Variants in UFD1 observed in about 807,000 individuals in gnomAD.
UFD1 encodes ubiquitin recognition factor in ER-associated degradation protein 1.
In UFD1, 13 loss-of-function variants were observed where a neutral mutation model predicts 45.9. The observed-to-expected ratio is 0.28, with a 90% confidence interval of 0.18 to 0.45. UFD1 has a LOEUF of 0.45. Among genes scored for constraint, UFD1 ranks in the 20% least tolerant of loss-of-function variants. The pLI, the probability that UFD1 is intolerant of heterozygous loss-of-function variation, is 1.00. For synonymous variants in UFD1, 128 were observed against 139.2 expected, an observed-to-expected ratio of 0.92 and a Z score of 0.56; for missense variants, 218 against 389.2, an observed-to-expected ratio of 0.56 and a Z score of 3.70.
rs1343094485 is a variant in UFD1 at position 19,465,285 on chromosome 22, A to G, written c.423-11T>C. The stretch of plus-strand genomic sequence containing the variant: ...AGTGCGTTTTCTAATCTGCAGACAC[A>G]TTCTGTCAAGGCAACATGGCAAGAT... On this transcript the variant is annotated splice_polypyrimidine_tract_variant and intron_variant, in intron 5 of 11. Coordinates refer to ENST00000263202, the MANE Select transcript of UFD1 (RefSeq NM_005659.7). 1.2e-6 allele frequency: 2 copies of G among 1,613,760 alleles called. No homozygotes were observed. Among genetic ancestry groups the G allele is most frequent in the East Asian group, 2.2e-5 (1 of 44,894 alleles).
chr22:19,473,028 TGA>T (rs1305400464), intron 3 of UFD1, among the ~76,000 whole-genome samples: 1 of 152,224 alleles, frequency 6.6e-6, no homozygotes, highest in Non-Finnish European at 1.5e-5. Context: ...AGAGAACCTC[TGA>T]GAGTAGCATG....
chr22:19,470,094 G>T, intron 4 of UFD1: 1 of 494,638 alleles, frequency 2.0e-6, no homozygotes, highest in East Asian at 5.7e-5. Context: ...AGCACAATGT[G>T]GCCTCAGGCC....
intron 4 of UFD1, 30 bp downstream of exon 4, chr22:19,471,657 C>T: frequency 6.2e-7 from 1 of 1,608,160 alleles, no homozygotes; most frequent in Non-Finnish European, 8.5e-7. Context: ...TAAGTGGCTG[C>T]TCTCTAGAGA....
At chr22:19,473,167 G>A (rs571967037) in intron 3 of UFD1, among the ~76,000 whole-genome samples, 1 of 152,318 alleles carries the variant, frequency 6.6e-6, no homozygotes, top group South Asian at 2.1e-4. Context: ...ACATACAGCT[G>A]GTCCACAGTA....
chr22:19,474,320 A>ATT (rs2089866059), intron 3 of UFD1, among the ~76,000 whole-genome samples: 1 of 152,126 alleles, frequency 6.6e-6, no homozygotes, highest in Admixed American at 6.5e-5. Flanking sequence ...CGAGGCAGGC[A>ATT]GGTCACCTGA....
intron 11 of UFD1, 42 bp downstream of exon 11, chr22:19,454,707 C>T: frequency 6.2e-7 from 1 of 1,613,254 alleles, no homozygotes; most frequent in Non-Finnish European, 8.5e-7. Flanking sequence ...GCAAATAAAT[C>T]TCCTCATTAC....
At chr22:19,454,943 C>CCT (rs1436353097) in intron 10 of UFD1, 113 bp from the exon 11 acceptor site, 2 of 1,232,006 alleles carry the variant, frequency 1.6e-6, no homozygotes, top group African/African-American at 3.1e-5. Flanking sequence ...CCACCTGGGC[C>CCT]CTTTGGTGCT....
At chr22:19,463,086 T>C (rs1297488392) in intron 6 of UFD1, among the ~76,000 whole-genome samples, 1 of 152,240 alleles carries the variant, frequency 6.6e-6, no homozygotes, top group African/African-American at 2.4e-5. Context: ...CTTATTCTGT[T>C]TGTTATACAT....
chr22:19,474,584 G>A (rs1292424278), intron 3 of UFD1, among the ~76,000 whole-genome samples: 3 of 152,068 alleles, frequency 2.0e-5, no homozygotes, highest in Admixed American at 2.0e-4. Context: ...GAAAAGAAAT[G>A]GGGGTCTGGA....
At chr22:19,462,487 G>C (rs1022342764) in intron 6 of UFD1, among the ~76,000 whole-genome samples, 2 of 151,986 alleles carry the variant, frequency 1.3e-5, no homozygotes, top group African/African-American at 2.4e-5. Context: ...CCAACATGGT[G>C]AAACCTCGTC....
chr22:19,457,258 C>T (rs2089730039), intron 7 of UFD1, among the ~76,000 whole-genome samples: 1 of 152,176 alleles, frequency 6.6e-6, no homozygotes, highest in South Asian at 2.1e-4. Context: ...TTCACCACCA[C>T]TAGGACTGCC....
rs2089736766 is a variant in UFD1, at chr22:19,458,056, G to C, written c.564+15C>G. 1 of 1,613,868 alleles carries C rather than the reference G, an allele frequency of 6.2e-7. No individual in the cohort carries two copies. Among genetic ancestry groups the C allele is most frequent in the South Asian group, 1.1e-5 (1 of 91,080 alleles). On this transcript the variant is annotated intron_variant, in intron 7 of 11. Transcript: ENST00000263202. ...CCAGGGCCCAGGCTCACTGTAACTG[G>C]ACAGAGCCACTCACGTTCATGTCAC...
At chr22:19,458,711 G>A (rs1378209004) in intron 6 of UFD1, among the ~76,000 whole-genome samples, 1 of 152,144 alleles carries the variant, frequency 6.6e-6, no homozygotes, top group Admixed American at 6.5e-5. Context: ...ACAAAGAACT[G>A]GGATTACAGA....
At chr22:19,475,000 G>T in intron 3 of UFD1, 68 bp downstream of exon 3, 1 of 1,449,806 alleles carries the variant, frequency 6.9e-7, no homozygotes, top group Non-Finnish European at 9.5e-7. Flanking sequence ...GTACTGAGGA[G>T]CCCATGCTGA....
In UFD1 at chr22:19,450,569, G is replaced by C; in HGVS notation, c.*101C>G. On this transcript the variant is annotated 3_prime_UTR_variant, in exon 12 of 12. Coordinates refer to ENST00000263202, the MANE Select transcript of UFD1 (RefSeq NM_005659.7). Reference sequence around the variant, plus strand: ...CTCTAAATAAATCTTAAGTAACAGAGTATTCTCTGATGAGGCTCGTCCCTG... The same window carrying C: ...CTCTAAATAAATCTTAAGTAACAGACTATTCTCTGATGAGGCTCGTCCCTG... 1 of 1,413,034 alleles carries C rather than the reference G, an allele frequency of 7.1e-7. No individual in the cohort carries two copies. The highest frequency in any genetic ancestry group is 9.9e-7 in the Non-Finnish European group (1 of 1,011,326). The allele number at this position is 1,413,034 out of a possible 1,614,324, so 87.5% of individuals were successfully genotyped here.
chr22:19,471,887 G>A, intron 3 of UFD1, 79 bp from the exon 4 acceptor site: 3 of 1,547,064 alleles, frequency 1.9e-6, no homozygotes, highest in South Asian at 2.5e-5. Flanking sequence ...CATAGAAGGA[G>A]CCTCCCCACA....
In UFD1 at chr22:19,450,563, A is replaced by T; in HGVS notation, c.*107T>A. The T allele has an allele frequency of 3.7e-6, 5 of 1,369,648 alleles. No homozygotes were observed. Among genetic ancestry groups the T allele is most frequent in the Non-Finnish European group, 5.1e-6 (5 of 978,142 alleles). The allele number at this position is 1,369,648 out of a possible 1,614,324, so 84.8% of individuals were successfully genotyped here. ...AGGTAACTCTAAATAAATCTTAAGT[A>T]ACAGAGTATTCTCTGATGAGGCTCG... On this transcript the variant is annotated 3_prime_UTR_variant, in exon 12 of 12. Coordinates refer to ENST00000263202, the MANE Select transcript of UFD1 (RefSeq NM_005659.7).
chr22:19,473,123 C>T (rs542176963), intron 3 of UFD1, among the ~76,000 whole-genome samples: 14 of 152,280 alleles, frequency 9.2e-5, no homozygotes, highest in Non-Finnish European at 1.9e-4. Context: ...ACCTCTGTCC[C>T]GGTCCACCTC....
intron 4 of UFD1, chr22:19,470,018 A>T (rs756770317): frequency 1.9e-6 from 1 of 518,532 alleles, no homozygotes; most frequent in Non-Finnish European, 3.9e-6. Context: ...GGGACTGGGG[A>T]AGTAGTCACT....
Sources: allele counts gnomAD v4.1 joint callset (sites outside exome capture counted in the v4.1 genomes callset), GRCh38; gene constraint gnomAD v4.1.1; transcripts MANE v1.5; gene names NCBI Gene and HGNC (gene_info 2026-07-23, HGNC 2026-07-21).